Variants in NRG1 observed in about 807,000 individuals in gnomAD.
NRG1 encodes the protein pro-neuregulin-1, membrane-bound isoform.
A neutral mutation model predicts 63.8 loss-of-function variants in NRG1; 18 were observed. The observed-to-expected ratio is 0.28, with a 90% CI of 0.19 to 0.42. The LOEUF is 0.42. Ranked by LOEUF, NRG1 falls within the 10% of genes least tolerant of loss-of-function variation. The probability of loss-of-function intolerance (pLI) is 1.00; values close to 1 mark genes in which losing one functional copy is unlikely to be tolerated. For synonymous variants in NRG1, 302 were observed against 301.3 expected (o/e 1.00, Z -0.02); for missense variants, 762 against 814.7 (o/e 0.94, Z 0.79).
Position 32,189,085 on chromosome 8 carries a change from G to A in NRG1, c.38-406743G>A, listed in dbSNP as rs147501830. Among the ~76,000 whole-genome samples the A allele has an allele frequency of 5.4e-3, 824 of 152,196 alleles. 4 individuals carry two copies. Among genetic ancestry groups the A allele is most frequent in the Non-Finnish European group, 9.5e-3 (643 of 68,014 alleles). On this transcript the variant is annotated intron_variant, in intron 1 of 10. Coordinates refer to the NRG1 transcript ENST00000519301. ...GAGACCTGTGTCAAACTTCTATCCT[G>A]TAGAACTGTAAGATAACCTGTGTTT...
chr8:32,242,478 A>G (rs1247312334), intron 1 of NRG1, among the ~76,000 whole-genome samples: 1 of 152,220 alleles, frequency 6.6e-6, no homozygotes, highest in African/African-American at 2.4e-5. Context: ...CATCTCAAAA[A>G]GAAAAAAGAA....
At chr8:31,882,057 C>A (rs1292068672) in intron 1 of NRG1, among the ~76,000 whole-genome samples, 1 of 152,070 alleles carries the variant, frequency 6.6e-6, no homozygotes, top group East Asian at 1.9e-4. Flanking sequence ...GAAGAAGATG[C>A]CATCTTGGCT....
At chr8:32,487,221 AC>A (rs1826018106) in intron 1 of NRG1, among the ~76,000 whole-genome samples, 1 of 151,976 alleles carries the variant, frequency 6.6e-6, no homozygotes, top group Admixed American at 6.6e-5. Context: ...ACCACAAAAA[AC>A]AAAAAAAGCA....
At chr8:31,898,038 G>C (rs1025358880) in intron 1 of NRG1, among the ~76,000 whole-genome samples, 2 of 144,682 alleles carry the variant, frequency 1.4e-5, no homozygotes, top group African/African-American at 2.5e-5. Flanking sequence ...AAAAAAAAGA[G>C]AGAGAAGGAA....
chr8:32,599,520 A>T (rs1018521183), intron 2 of NRG1, among the ~76,000 whole-genome samples: 2 of 152,188 alleles, frequency 1.3e-5, no homozygotes, highest in Non-Finnish European at 1.5e-5. Context: ...TAAAAACTAC[A>T]TTCCTACGTG....
rs118144329 is a variant in NRG1 at position 31,722,322 on chromosome 8, G to A, written c.37+82891G>A. ...GTAACTAATTTCTTCCTGGCTCTTT[G>A]ACACTGGGCATCAGTGTCATGTCCC... On this transcript the variant is annotated intron_variant, in intron 1 of 10. Transcript: ENST00000519301. 3.9e-3 allele frequency among the ~76,000 whole-genome samples: 588 copies of A among 152,082 alleles called. 1 individual carries two copies. Among genetic ancestry groups the A allele is most frequent in the South Asian group, 0.019 (92 of 4,812 alleles).
At chr8:32,498,397 G>A (rs1827471114) in intron 1 of NRG1, among the ~76,000 whole-genome samples, 1 of 152,152 alleles carries the variant, frequency 6.6e-6, no homozygotes, top group Non-Finnish European at 1.5e-5. Flanking sequence ...GCAGGGCGTG[G>A]AGGCCTCAGG....
chr8:32,103,353 A>G (rs1830815438), intron 1 of NRG1, among the ~76,000 whole-genome samples: 1 of 152,214 alleles, frequency 6.6e-6, no homozygotes, highest in African/African-American at 2.4e-5. Context: ...TATTGTTGCA[A>G]ATAACAGGAT....
At chr8:32,094,211 C>G (rs537254102) in intron 1 of NRG1, among the ~76,000 whole-genome samples, 44 of 152,252 alleles carry the variant, frequency 2.9e-4, no homozygotes, top group African/African-American at 1.0e-3. Context: ...GGAATGAAAG[C>G]CCAAACCCAG....
intron 1 of NRG1, among the ~76,000 whole-genome samples, chr8:31,769,063 T>A (rs1252508193): frequency 6.6e-6 from 1 of 152,186 alleles, no homozygotes; most frequent in Non-Finnish European, 1.5e-5. Context: ...GAACATGTAC[T>A]CCTTACCCTG....
At chr8:32,173,747 C>A (rs1266633196) in intron 1 of NRG1, among the ~76,000 whole-genome samples, 1 of 152,016 alleles carries the variant, frequency 6.6e-6, no homozygotes, top group African/African-American at 2.4e-5. Context: ...ACAAAGAAGG[C>A]CATTACATAA....
At chr8:32,036,401 T>C (rs1819067378) in intron 1 of NRG1, among the ~76,000 whole-genome samples, 1 of 152,178 alleles carries the variant, frequency 6.6e-6, no homozygotes, top group African/African-American at 2.4e-5. Flanking sequence ...CTAATGACTA[T>C]GTGTCTTGGG....
chr8:31,720,758 G>A (rs1812832732), intron 1 of NRG1, among the ~76,000 whole-genome samples: 1 of 152,144 alleles, frequency 6.6e-6, no homozygotes, highest in Non-Finnish European at 1.5e-5. Flanking sequence ...CAGAGTTTAT[G>A]GAAGTTAGAT....
chr8:32,054,671 C>CA (rs1822552282), intron 1 of NRG1, among the ~76,000 whole-genome samples: 1 of 152,076 alleles, frequency 6.6e-6, no homozygotes. Context: ...ATCAGTTCTA[C>CA]ACTGTAGTAA....
At chr8:32,042,351 G>T (rs1357204593) in intron 1 of NRG1, among the ~76,000 whole-genome samples, 4 of 152,032 alleles carry the variant, frequency 2.6e-5, no homozygotes, top group Non-Finnish European at 5.9e-5. Context: ...TACTTGGGAG[G>T]CTTAGGCAGG....
chr8:32,665,866 A>C (rs1804010440), intron 5 of NRG1, among the ~76,000 whole-genome samples: 1 of 152,254 alleles, frequency 6.6e-6, no homozygotes. Context: ...AAAAGTAGTG[A>C]AAATACTTCT....
chr8:31,920,521 CTGGTTTGTTCTGAACAACT>C (rs963103474), intron 1 of NRG1, among the ~76,000 whole-genome samples: 5 of 152,022 alleles, frequency 3.3e-5, no homozygotes, highest in African/African-American at 1.2e-4. Flanking sequence ...CTGATGTAAC[CTGGTTTGTTCTGAACAACT>C]CCAAATGGTT....
chr8:31,970,824 G>C (rs1228063113), intron 1 of NRG1, among the ~76,000 whole-genome samples: 1 of 152,056 alleles, frequency 6.6e-6, no homozygotes. Context: ...GCATGGTTTG[G>C]ACAGCTGAAG....
intron 1 of NRG1, among the ~76,000 whole-genome samples, chr8:31,920,603 G>C (rs990061330): frequency 1.3e-5 from 2 of 152,062 alleles, no homozygotes; most frequent in Admixed American, 1.3e-4. Flanking sequence ...ATGTTATCAT[G>C]GCTATAATCC....
Sources: allele counts gnomAD v4.1 joint callset (sites outside exome capture counted in the v4.1 genomes callset), GRCh38; gene constraint gnomAD v4.1.1; transcripts MANE v1.5; gene names NCBI Gene and HGNC (gene_info 2026-07-23, HGNC 2026-07-21).